Variants in HMGA2 observed in about 807,000 individuals in gnomAD.
HMGA2 encodes high mobility group AT-hook 2, also known as high mobility group protein HMGI-C.
In HMGA2, 8 loss-of-function variants were observed where a neutral mutation model predicts 19.1. That is an observed-to-expected ratio of 0.42 (90% CI 0.25 to 0.76). The LOEUF (loss-of-function observed/expected upper bound fraction) is 0.76, where lower values mean the gene tolerates loss of function less well. Among genes scored for constraint, HMGA2 ranks in the 30% least tolerant of loss-of-function variants. The pLI is 0.28. For missense variants in HMGA2, 109 were observed against 136.3 expected, an observed-to-expected ratio of 0.80 and a Z score of 1.00; for synonymous variants, 60 against 48.8, an observed-to-expected ratio of 1.23 and a Z score of -0.96.
At chr12:65,924,934 C>T (rs912368954) in intron 3 of HMGA2, among the ~76,000 whole-genome samples, 1 of 152,140 alleles carries the variant, frequency 6.6e-6, no homozygotes, top group African/African-American at 2.4e-5. Flanking sequence ...TAGAGTGGGG[C>T]TGGCAATAAA....
chr12:65,945,656 G>C (rs559172127), intron 3 of HMGA2, among the ~76,000 whole-genome samples: 1 of 152,176 alleles, frequency 6.6e-6, no homozygotes, highest in Non-Finnish European at 1.5e-5. Context: ...CACACAAGTC[G>C]AGGCTGCTGC....
intron 3 of HMGA2, among the ~76,000 whole-genome samples, chr12:65,945,702 CA>C (rs1565739794): frequency 6.6e-6 from 1 of 152,112 alleles, no homozygotes. Flanking sequence ...GGAGTGTTTG[CA>C]GAGAGATTGG....
chr12:65,909,153 A>G (rs1172765981), intron 3 of HMGA2, among the ~76,000 whole-genome samples: 1 of 152,224 alleles, frequency 6.6e-6, no homozygotes, highest in Non-Finnish European at 1.5e-5. Context: ...TAATAACAGA[A>G]AGTACATCTA....
Position 65,963,730 on chromosome 12 carries a change from G to A in HMGA2, c.*438G>A, listed in dbSNP as rs1470447895. ...TCGGGCATTCATATAGGAAGAACGCGGTGTGTAACACTGTGTACACCTCAA... is the reference window on the plus strand; with the variant it reads ...TCGGGCATTCATATAGGAAGAACGCAGTGTGTAACACTGTGTACACCTCAA... On this transcript the variant is annotated 3_prime_UTR_variant, in exon 5 of 5. Coordinates refer to ENST00000403681, the MANE Select transcript of HMGA2 (RefSeq NM_003483.6). 6 of 357,534 alleles carry A rather than the reference G, an allele frequency of 1.7e-5. No individual in the cohort carries two copies. Among genetic ancestry groups the A allele is most frequent in the African/African-American group, 4.2e-5 (2 of 47,720 alleles). 22.1% of individuals were successfully genotyped at this position (357,534 alleles called of 1,614,324 possible).
intron 3 of HMGA2, among the ~76,000 whole-genome samples, chr12:65,903,912 T>G (rs1874476128): frequency 6.6e-6 from 1 of 152,232 alleles, no homozygotes; most frequent in East Asian, 1.9e-4. Context: ...TTTACATTCA[T>G]GATAACGGCC....
intron 3 of HMGA2, among the ~76,000 whole-genome samples, chr12:65,927,417 T>C (rs993354907): frequency 3.3e-5 from 5 of 152,212 alleles, no homozygotes; most frequent in African/African-American, 1.2e-4. Context: ...CACTAGATGT[T>C]TGGTTTTGCT....
intron 3 of HMGA2, chr12:65,881,919 C>A (rs1385219249): frequency 5.7e-6 from 4 of 701,676 alleles, no homozygotes; most frequent in Non-Finnish European, 7.8e-6. Flanking sequence ...TTCCATGCTG[C>A]AGAAGGCATG....
intron 3 of HMGA2, among the ~76,000 whole-genome samples, chr12:65,950,241 A>C (rs988333625): frequency 3.3e-5 from 5 of 152,254 alleles, no homozygotes; most frequent in African/African-American, 1.2e-4. Context: ...TTCGCACGAA[A>C]ACGTGTATAT....
intron 3 of HMGA2, among the ~76,000 whole-genome samples, chr12:65,876,537 A>G (rs1873038655): frequency 6.6e-6 from 1 of 152,200 alleles, no homozygotes; most frequent in South Asian, 2.1e-4. Context: ...AAGAAAACCA[A>G]ATCCTACAAC....
intron 3 of HMGA2, among the ~76,000 whole-genome samples, chr12:65,928,209 TG>T (rs1435572888): frequency 6.6e-6 from 1 of 152,138 alleles, no homozygotes; most frequent in Admixed American, 6.5e-5. Flanking sequence ...GTACTGAAAC[TG>T]TAGGCAATTG....
At chr12:65,840,919 T>C (rs1870967474) in intron 3 of HMGA2, among the ~76,000 whole-genome samples, 1 of 152,162 alleles carries the variant, frequency 6.6e-6, no homozygotes, top group African/African-American at 2.4e-5. Context: ...TCCTCTGCCC[T>C]TGGGCTGTCC....
intron 2 of HMGA2, among the ~76,000 whole-genome samples, chr12:65,829,800 A>C (rs1017202985): frequency 1.3e-5 from 2 of 152,030 alleles, no homozygotes; most frequent in African/African-American, 4.8e-5. Context: ...CAAAATTTGT[A>C]TTGAGAAAAG....
chr12:65,920,162 C>T (rs1211184766), intron 3 of HMGA2, among the ~76,000 whole-genome samples: 1 of 151,866 alleles, frequency 6.6e-6, no homozygotes, highest in Non-Finnish European at 1.5e-5. Flanking sequence ...TGAAAATAGC[C>T]GTGAAGTGAG....
At chr12:65,940,161 C>G (rs879698753) in intron 3 of HMGA2, among the ~76,000 whole-genome samples, 1 of 151,636 alleles carries the variant, frequency 6.6e-6, no homozygotes, top group Non-Finnish European at 1.5e-5. Flanking sequence ...GATATTTTAG[C>G]CTTCATAGCC....
chr12:65,832,002 G>A (rs1870500819), intron 2 of HMGA2, among the ~76,000 whole-genome samples: 1 of 151,776 alleles, frequency 6.6e-6, no homozygotes, highest in South Asian at 2.1e-4. Flanking sequence ...TGTTTCAATG[G>A]GCAGGTAAGT....
chr12:65,837,066 T>C (rs950671466), intron 2 of HMGA2, among the ~76,000 whole-genome samples: 1 of 152,188 alleles, frequency 6.6e-6, no homozygotes, highest in Non-Finnish European at 1.5e-5. Context: ...TAAGACTTAG[T>C]TGTTCATCTA....
At position 65,888,349 on chromosome 12, in the gene HMGA2, GGAGGCT is replaced by G. The variant is rs1388286427; in HGVS notation, c.249+49786_249+49791del. 3.3e-5 allele frequency among the ~76,000 whole-genome samples: 5 copies of G among 151,302 alleles called. No individual in the cohort carries two copies. The East Asian group carries it at 1.0e-3, about 30-fold the overall frequency. On this transcript the variant is annotated intron_variant, in intron 3 of 4. Coordinates refer to ENST00000403681, the MANE Select transcript of HMGA2 (RefSeq NM_003483.6). ...TGTGCGCCTATGATCCCAGCTACTC[GGAGGCT>G]GAGGCACGAGAATTGCTTGAACCCG...
At chr12:65,886,036 G>C (rs1873642390) in intron 3 of HMGA2, among the ~76,000 whole-genome samples, 1 of 152,130 alleles carries the variant, frequency 6.6e-6, no homozygotes, top group African/African-American at 2.4e-5. Context: ...TCTGCCTATG[G>C]AGTAGCCATT....
At chr12:65,916,146 A>G (rs2121228547) in intron 3 of HMGA2, among the ~76,000 whole-genome samples, 1 of 152,340 alleles carries the variant, frequency 6.6e-6, no homozygotes, top group East Asian at 1.9e-4. Context: ...GCAGTGGACC[A>G]TTACATTTTC....
Sources: allele counts gnomAD v4.1 joint callset (sites outside exome capture counted in the v4.1 genomes callset), GRCh38; gene constraint gnomAD v4.1.1; transcripts MANE v1.5; gene names NCBI Gene and HGNC (gene_info 2026-07-23, HGNC 2026-07-21).